The following MKRN1 variants were observed in gnomAD, a reference collection of about 807,000 sequenced individuals.
MKRN1 encodes the protein makorin ring finger protein 1.
MKRN1 carries 9 observed loss-of-function variants against 55.5 expected under a neutral mutation model. The ratio of observed to expected loss-of-function variants is 0.16; its 90% confidence interval spans 0.10 to 0.28. The LOEUF (loss-of-function observed/expected upper bound fraction) is 0.28, where lower values mean the gene tolerates loss of function less well. Among genes scored for constraint, MKRN1 ranks in the 10% least tolerant of loss-of-function variants. MKRN1 has a pLI of 1.00. For missense variants in MKRN1, 488 were observed against 626.7 expected, an observed-to-expected ratio of 0.78 and a Z score of 2.36; for synonymous variants, 253 against 235.9, an observed-to-expected ratio of 1.07 and a Z score of -0.66.
chr7:140,469,154 G>A (rs969038521), intron 2 of MKRN1, among the ~76,000 whole-genome samples: 17 of 151,862 alleles, frequency 1.1e-4, no homozygotes, highest in African/African-American at 2.9e-4. Flanking sequence ...GTGAAACCCC[G>A]TCTATACTAA....
At chr7:140,456,106 G>A in intron 5 of MKRN1, 1 of 966,924 alleles carries the variant, frequency 1.0e-6, no homozygotes, top group Non-Finnish European at 1.4e-6. Flanking sequence ...TCAAGGGCTA[G>A]CCAGTTCTTT....
At chr7:140,475,298 G>A (rs1272929958) in intron 1 of MKRN1, 3 of 412,590 alleles carry the variant, frequency 7.3e-6, no homozygotes, top group East Asian at 9.5e-5. Context: ...AGCCGAGATC[G>A]TGCCACTGCA....
intron 1 of MKRN1, chr7:140,473,413 A>T (rs887324834): frequency 3.2e-6 from 1 of 313,412 alleles, no homozygotes; most frequent in African/African-American, 2.2e-5. Flanking sequence ...CCCAACATAG[A>T]GAACAAGAAA....
chr7:140,463,868 G>A (rs868768103), intron 2 of MKRN1, among the ~76,000 whole-genome samples: 27 of 151,830 alleles, frequency 1.8e-4, no homozygotes, highest in African/African-American at 3.4e-4. Flanking sequence ...CAGCCTGGGC[G>A]ACAGAGCAAG....
At chr7:140,455,064 TC>T in intron 7 of MKRN1, 30 bp downstream of exon 7, 1 of 1,611,338 alleles carries the variant, frequency 6.2e-7, no homozygotes, top group Non-Finnish European at 8.5e-7. Context: ...CCTTGGAATT[TC>T]CCCTCCTTTA....
chr7:140,474,587 G>A lies in MKRN1; in HGVS notation c.186-2576C>T, dbSNP rs138525922. On this transcript the variant is annotated intron_variant, in intron 1 of 7. Transcript: ENST00000255977. ...GCAAATTAATTTTTCTTTCCCAGTT[G>A]CATAATCTTTTTAATACCATTTAAT... The A allele has an allele frequency of 2.2e-3, 370 of 168,792 alleles. 5 individuals are homozygous for A. In the East Asian group the frequency reaches 0.031, roughly 14 times the overall value. 10.5% of individuals were successfully genotyped at this position (168,792 alleles called of 1,614,324 possible).
At chr7:140,460,923 T>C (rs2130274312) in intron 2 of MKRN1, among the ~76,000 whole-genome samples, 1 of 152,374 alleles carries the variant, frequency 6.6e-6, no homozygotes, top group East Asian at 1.9e-4. Flanking sequence ...TCAAACTTGA[T>C]TTATGAAAAC....
Position 140,477,538 on chromosome 7 carries a change from G to A in MKRN1, c.185+1622C>T, listed in dbSNP as rs563768192. On this transcript the variant is annotated intron_variant, in intron 1 of 7. Coordinates refer to ENST00000255977, the MANE Select transcript of MKRN1 (RefSeq NM_013446.4). ...GGGGTTTCACCATCTTGGCCAGGCTGGTCTTGAGCTCCTGACCTCGTGATC... is the reference window on the plus strand; with the variant it reads ...GGGGTTTCACCATCTTGGCCAGGCTAGTCTTGAGCTCCTGACCTCGTGATC... 1.5e-4 allele frequency among the ~76,000 whole-genome samples: 23 copies of A among 152,282 alleles called. No homozygotes were observed. In the South Asian group the frequency reaches 4.8e-3, roughly 32 times the overall value.
At position 140,459,844 on chromosome 7, in the gene MKRN1, G is replaced by A. The variant is rs991043337; in HGVS notation, c.407C>T (p.Ser136Leu). Residue 136 changes from serine (S) to leucine (L), a missense_variant, in exon 3 of 8, where the codon TCG (serine) becomes TTG (leucine). By Grantham distance (145) the Ser-to-Leu change is moderately radical. Transcript: ENST00000255977. ...CATTTCAACAAGTGGTCCAACTATC[G>A]ATGAGAGACTTGAGGAAGCAGCAAG... The part of the protein sequence containing the change: ...SSLAASSSLS[S>L]IVGPLVEMNT... 3.7e-6 allele frequency: 6 copies of A among 1,613,916 alleles called. No individual in the cohort carries two copies. Among genetic ancestry groups the A allele is most frequent in the African/African-American group, 2.7e-5 (2 of 75,006 alleles).
intron 2 of MKRN1, among the ~76,000 whole-genome samples, chr7:140,461,179 G>A (rs1482212737): frequency 6.6e-6 from 1 of 152,200 alleles, no homozygotes; most frequent in African/African-American, 2.4e-5. Context: ...AAAAGGTAGA[G>A]ACAATATTTA....
intron 2 of MKRN1, among the ~76,000 whole-genome samples, chr7:140,466,075 A>G (rs969492678): frequency 5.3e-5 from 8 of 152,032 alleles, no homozygotes; most frequent in African/African-American, 7.2e-5. Context: ...GCGAGACTCC[A>G]TCTCAAAAAA....
At chr7:140,459,603 TA>T in intron 3 of MKRN1, 103 bp downstream of exon 3, 6 of 1,158,384 alleles carry the variant, frequency 5.2e-6, no homozygotes, top group Non-Finnish European at 6.2e-6. Context: ...AAGATTAAAC[TA>T]AAAAAGGAAT....
At chr7:140,479,043 C>G (rs952991135) in intron 1 of MKRN1, 117 bp downstream of exon 1, 18 of 1,184,316 alleles carry the variant, frequency 1.5e-5, no homozygotes, top group Non-Finnish European at 1.9e-5. Flanking sequence ...GAGACAACGC[C>G]GGTCCCCGCC....
chr7:140,455,912 T>G lies in MKRN1; in HGVS notation c.987-12A>C, dbSNP rs1447364840. ...ATTCTGGGCAGGACCTGGGAAACAA[T>G]GAACAGGCTGCAATGCAAATTCCCC... On this transcript the variant is annotated splice_polypyrimidine_tract_variant and intron_variant, in intron 5 of 7. Coordinates refer to ENST00000255977, the MANE Select transcript of MKRN1 (RefSeq NM_013446.4). 5.6e-6 allele frequency: 9 copies of G among 1,598,924 alleles called. No homozygotes were observed. Among genetic ancestry groups the G allele is most frequent in the Non-Finnish European group, 5.1e-6 (6 of 1,166,306 alleles).
chr7:140,468,701 C>CAAAA (rs528725182), intron 2 of MKRN1, among the ~76,000 whole-genome samples: 997 of 31,850 alleles, frequency 0.031, 183 homozygotes, highest in African/African-American at 0.083. Context: ...CTCTGTCTCA[C>CAAAA]AAAAAAAAAA....
At chr7:140,458,309 G>A (rs757765047) in intron 4 of MKRN1, among the ~76,000 whole-genome samples, 27 of 152,126 alleles carry the variant, frequency 1.8e-4, no homozygotes, top group Non-Finnish European at 4.0e-4. Context: ...GCCATACAAA[G>A]ACAATAATTC....
chr7:140,462,185 G>A (rs551099053), intron 2 of MKRN1, among the ~76,000 whole-genome samples: 12 of 151,980 alleles, frequency 7.9e-5, no homozygotes, highest in East Asian at 5.8e-4. Flanking sequence ...GTGCCACAAT[G>A]CTGGTCTAAC....
rs538030424 is a variant in MKRN1, at chr7:140,456,474, T to C, written c.986+178A>G. The C allele has an allele frequency of 7.8e-5, 112 of 1,429,830 alleles. No individual in the cohort carries two copies. The East Asian group carries it at 1.0e-3, about 13-fold the overall frequency. The allele number at this position is 1,429,830 out of a possible 1,614,324, so 88.6% of individuals were successfully genotyped here. On this transcript the variant is annotated intron_variant, in intron 5 of 7. Transcript: ENST00000255977. ...GTTTCCTCATTCAAATAAAAGTAGATAGACCAACTAACCTAGAAGCTAGCT... is the reference window on the plus strand; with the variant it reads ...GTTTCCTCATTCAAATAAAAGTAGACAGACCAACTAACCTAGAAGCTAGCT...
At position 140,456,883 on chromosome 7, in the gene MKRN1, G is replaced by C. The variant is rs1794481258; in HGVS notation, c.772-17C>G. The C allele has an allele frequency of 1.9e-6, 3 of 1,609,224 alleles. No homozygotes were observed. The highest frequency in any genetic ancestry group is 2.7e-5 in the African/African-American group (2 of 74,846). ...AATGCACGACTAGAGAAGGTGGAGA[G>C]AGAACAAGTGGAATCCAGTCATTGA... On this transcript the variant is annotated splice_polypyrimidine_tract_variant and intron_variant, in intron 4 of 7. Transcript: ENST00000255977.
Sources: allele counts gnomAD v4.1 joint callset (sites outside exome capture counted in the v4.1 genomes callset), GRCh38; gene constraint gnomAD v4.1.1; transcripts MANE v1.5; gene names NCBI Gene and HGNC (gene_info 2026-07-23, HGNC 2026-07-21).